Variants in LYRM4 observed in about 807,000 individuals in gnomAD.
LYRM4 encodes LYR motif containing 4.
In LYRM4, 9 loss-of-function variants were observed where a neutral mutation model predicts 11.7. That is an observed-to-expected ratio of 0.77 (90% CI 0.46 to 1.34). LYRM4 has a LOEUF of 1.34. Ranked by LOEUF, LYRM4 falls within the 40% of genes most tolerant of loss-of-function variation. The pLI is 0.00. For missense variants in LYRM4, 133 were observed against 112.5 expected (o/e 1.18, Z -0.82); for synonymous variants, 42 against 40.4 (o/e 1.04, Z -0.15).
chr6:5,057,226 C>T, the LYRM4 span, among the ~76,000 whole-genome samples: 4 of 151,924 alleles, frequency 2.6e-5, no homozygotes, highest in African/African-American at 4.8e-5. Context: ...TGGGGGCCCA[C>T]GAGCCACACC....
intron 2 of LYRM4, among the ~76,000 whole-genome samples, chr6:5,166,243 C>T (rs571144817): frequency 4.2e-4 from 64 of 152,226 alleles, no homozygotes; most frequent in African/African-American, 1.2e-3. Context: ...GTTTTGAAAG[C>T]CGTTCATAGA....
At chr6:5,117,513 C>T (rs1199067080) in intron 2 of LYRM4, among the ~76,000 whole-genome samples, 1 of 151,536 alleles carries the variant, frequency 6.6e-6, no homozygotes, top group African/African-American at 2.4e-5. Flanking sequence ...CGAGATCGCA[C>T]TCCAGCCTGG....
the LYRM4 span, chr6:5,086,098 G>C: frequency 6.8e-7 from 1 of 1,467,908 alleles, no homozygotes; most frequent in Non-Finnish European, 8.9e-7. Flanking sequence ...CCAGCTCCCG[G>C]GGCCGAGCGC....
At chr6:5,078,841 G>A in the LYRM4 span, among the ~76,000 whole-genome samples, 16 of 152,154 alleles carry the variant, frequency 1.1e-4, no homozygotes, top group Admixed American at 3.3e-4. Context: ...AAATCACTGT[G>A]GCTTTAGCTT....
the LYRM4 span, chr6:5,086,403 G>T: frequency 8.5e-6 from 13 of 1,536,140 alleles, 1 homozygote; most frequent in South Asian, 1.3e-4. Context: ...CGCTGTGCCT[G>T]CCCCCGGGCC....
At chr6:5,101,431 T>C (rs1004371513), downstream of LYRM4, among the ~76,000 whole-genome samples, 9 of 152,220 alleles carry the variant, frequency 5.9e-5, no homozygotes, top group African/African-American at 2.2e-4. Flanking sequence ...GAACTTTGTG[T>C]TACGCACTGA....
At chr6:5,145,950 G>A (rs894091456) in intron 2 of LYRM4, among the ~76,000 whole-genome samples, 1 of 152,114 alleles carries the variant, frequency 6.6e-6, no homozygotes, top group East Asian at 1.9e-4. Context: ...CTCTTGCTTG[G>A]ATTAGGTTTC....
Position 5,150,564 on chromosome 6 carries a change from A to T in LYRM4, c.208-41073T>A, listed in dbSNP as rs139240248. ...CCTAGTACACAGTAGGCCCTCACTA[A>T]TTGTTAGCTATTAACATAATTATTC... On this transcript the variant is annotated intron_variant, in intron 2 of 2. Transcript: ENST00000330636. 1.4e-4 allele frequency among the ~76,000 whole-genome samples: 22 copies of T among 152,304 alleles called. No individual in the cohort carries two copies. In the South Asian group the frequency reaches 1.9e-3, roughly 13 times the overall value.
At chr6:5,221,873 C>T (rs1043332663) in intron 1 of LYRM4, among the ~76,000 whole-genome samples, 1 of 152,230 alleles carries the variant, frequency 6.6e-6, no homozygotes, top group Non-Finnish European at 1.5e-5. Flanking sequence ...CCAATCGTAA[C>T]TTTCCACATC....
intron 1 of LYRM4, among the ~76,000 whole-genome samples, chr6:5,255,777 C>T (rs1041966095): frequency 6.6e-6 from 1 of 151,740 alleles, no homozygotes; most frequent in Non-Finnish European, 1.5e-5. Context: ...TGGGGGTTGT[C>T]CCCTGTGCAT....
the LYRM4 span, among the ~76,000 whole-genome samples, chr6:5,048,473 C>G: frequency 5.3e-5 from 8 of 152,058 alleles, no homozygotes; most frequent in African/African-American, 1.9e-4. Context: ...TGACACCATG[C>G]CCACATCATT....
At chr6:5,146,594 G>A (rs1389943692) in intron 2 of LYRM4, among the ~76,000 whole-genome samples, 4 of 152,040 alleles carry the variant, frequency 2.6e-5, no homozygotes, top group East Asian at 1.9e-4. Flanking sequence ...CCCCTGAAGC[G>A]GGCCTCTTCC....
chr6:5,244,696 C>T (rs1267586169), intron 1 of LYRM4, among the ~76,000 whole-genome samples: 1 of 151,964 alleles, frequency 6.6e-6, no homozygotes, highest in African/African-American at 2.4e-5. Flanking sequence ...GCATGAGGCA[C>T]CGAGAGGGCC....
At chr6:5,043,092 G>A in the LYRM4 span, 19,923 of 151,888 alleles carry the variant, frequency 0.13, 1,595 homozygotes, top group African/African-American at 0.23. Context: ...CAACTGTAAC[G>A]ACCACAACCA....
chr6:5,052,011 C>G, the LYRM4 span, among the ~76,000 whole-genome samples: 6 of 152,232 alleles, frequency 3.9e-5, no homozygotes, highest in African/African-American at 1.2e-4. Context: ...CTCCATAACC[C>G]AAACACTTCC....
At chr6:5,208,378 A>C (rs1761818398) in intron 2 of LYRM4, among the ~76,000 whole-genome samples, 1 of 152,238 alleles carries the variant, frequency 6.6e-6, no homozygotes, top group Admixed American at 6.5e-5. Flanking sequence ...TCAGCATCAA[A>C]ACAGTTCTTT....
chr6:5,201,615 A>G lies in LYRM4; in HGVS notation c.207+15003T>C, dbSNP rs1277056193. On this transcript the variant is annotated intron_variant, in intron 2 of 2. Coordinates refer to ENST00000330636, the MANE Select transcript of LYRM4 (RefSeq NM_020408.6). ...TGTCTTTCCAAACCTGCTGGCAGTG[A>G]CCCCCTGCACCTCATTTCTCTCTGT... is the stretch of plus-strand genomic sequence containing the variant. Among the ~76,000 whole-genome samples, 3 of 150,680 alleles carry G rather than the reference A, an allele frequency of 2.0e-5. No individual in the cohort carries two copies. In the East Asian group the frequency reaches 5.9e-4, roughly 29 times the overall value.
At chr6:5,069,007 C>A in the LYRM4 span, among the ~76,000 whole-genome samples, 1 of 152,080 alleles carries the variant, frequency 6.6e-6, no homozygotes, top group East Asian at 1.9e-4. Flanking sequence ...AGAGACTCAA[C>A]CTAGATCCTC....
At chr6:5,219,928 C>T (rs1045673999) in intron 1 of LYRM4, among the ~76,000 whole-genome samples, 1 of 152,136 alleles carries the variant, frequency 6.6e-6, no homozygotes, top group Non-Finnish European at 1.5e-5. Flanking sequence ...GCAACACAAC[C>T]AAATACAAAG....
Sources: allele counts gnomAD v4.1 joint callset (sites outside exome capture counted in the v4.1 genomes callset), GRCh38; gene constraint gnomAD v4.1.1; transcripts MANE v1.5; gene names NCBI Gene and HGNC (gene_info 2026-07-23, HGNC 2026-07-21).